ERBB4: variants seen among roughly 807,000 people sequenced by gnomAD.
The protein encoded by ERBB4 is receptor tyrosine-protein kinase erbB-4.
ERBB4 carries 42 observed loss-of-function variants against 158.0 expected under a neutral mutation model. That is an observed-to-expected ratio of 0.27 (90% CI 0.21 to 0.34). The LOEUF (loss-of-function observed/expected upper bound fraction) is 0.34, where lower values mean the gene tolerates loss of function less well. Among genes scored for constraint, ERBB4 ranks in the 10% least tolerant of loss-of-function variants. ERBB4 has a pLI of 1.00. For synonymous variants in ERBB4, 583 were observed against 558.7 expected, an observed-to-expected ratio of 1.04 and a Z score of -0.61; for missense variants, 1,333 against 1,624.1, an observed-to-expected ratio of 0.82 and a Z score of 3.08.
chr2:212,016,286 AC>A (rs1309817307), intron 2 of ERBB4, among the ~76,000 whole-genome samples: 2 of 152,180 alleles, frequency 1.3e-5, no homozygotes, highest in African/African-American at 4.8e-5. Context: ...TGGGAAGCAG[AC>A]CTGAATTCAT....
rs1472599815 is a variant in ERBB4, at chr2:211,585,354, A to AAAC, written c.2302-23267_2302-23266insGTT. Among the ~76,000 whole-genome samples, 23 of 151,198 alleles carry AAAC rather than the reference A, an allele frequency of 1.5e-4. 3 individuals are homozygous for AAAC. In the South Asian group the frequency reaches 4.8e-3, roughly 31 times the overall value. Reference sequence around the variant, plus strand: ...GCGAGAGAGCGAGACTCCGTCTCAAAAAAAAAAAAAAAGACTTCCTTAGGC... The same window carrying AAAC: ...GCGAGAGAGCGAGACTCCGTCTCAAAAACAAAAAAAAAAAAGACTTCCTTAGGC... On this transcript the variant is annotated intron_variant, in intron 19 of 27. Coordinates refer to ENST00000342788, the MANE Select transcript of ERBB4 (RefSeq NM_005235.3).
At chr2:211,888,492 T>G (rs2078864621) in intron 3 of ERBB4, among the ~76,000 whole-genome samples, 2 of 152,338 alleles carry the variant, frequency 1.3e-5, no homozygotes, top group Admixed American at 6.5e-5. Context: ...TTTGTTTTTA[T>G]TCTATTGTGT....
chr2:212,260,763 A>C (rs1280891642), intron 1 of ERBB4, among the ~76,000 whole-genome samples: 1 of 152,038 alleles, frequency 6.6e-6, no homozygotes, highest in Non-Finnish European at 1.5e-5. Context: ...CAGTGAGCCG[A>C]GATAGCGCCA....
chr2:211,979,295 C>G (rs1346263115), intron 2 of ERBB4, among the ~76,000 whole-genome samples: 1 of 152,096 alleles, frequency 6.6e-6, no homozygotes. Context: ...AAAAAATTGG[C>G]AAGAAATTGT....
chr2:212,135,625 C>G (rs1431211691), intron 1 of ERBB4, among the ~76,000 whole-genome samples: 2 of 152,128 alleles, frequency 1.3e-5, no homozygotes, highest in Non-Finnish European at 2.9e-5. Context: ...TCTATACATA[C>G]TTGGATGAAA....
At chr2:212,241,734 T>C (rs1055052288) in intron 1 of ERBB4, among the ~76,000 whole-genome samples, 3 of 152,182 alleles carry the variant, frequency 2.0e-5, no homozygotes, top group African/African-American at 7.2e-5. Context: ...CTTTGGTAAA[T>C]CTACCTATTA....
intron 1 of ERBB4, among the ~76,000 whole-genome samples, chr2:212,255,318 C>G (rs1300952254): frequency 1.3e-5 from 2 of 151,900 alleles, no homozygotes; most frequent in African/African-American, 4.8e-5. Flanking sequence ...TCATTCAACC[C>G]TTTTTAAAGT....
At chr2:212,452,031 A>G (rs530710873) in intron 1 of ERBB4, among the ~76,000 whole-genome samples, 1 of 147,690 alleles carries the variant, frequency 6.8e-6, no homozygotes, top group East Asian at 2.0e-4. Flanking sequence ...TTTTTTCCAG[A>G]TATTTATCAG....
intron 2 of ERBB4, among the ~76,000 whole-genome samples, chr2:212,012,014 T>C (rs758110342): frequency 2.6e-5 from 4 of 152,208 alleles, no homozygotes; most frequent in Admixed American, 6.5e-5. Context: ...AAGAATAAAT[T>C]TATACAGGAA....
intron 3 of ERBB4, among the ~76,000 whole-genome samples, chr2:211,872,505 C>T (rs918428463): frequency 5.3e-5 from 8 of 152,082 alleles, no homozygotes; most frequent in Admixed American, 3.3e-4. Context: ...ATAAAATCCC[C>T]TCAGTTTACA....
At chr2:211,578,821 T>G (rs1043528265) in intron 19 of ERBB4, among the ~76,000 whole-genome samples, 2 of 152,148 alleles carry the variant, frequency 1.3e-5, no homozygotes, top group South Asian at 4.1e-4. Context: ...GATTAAAGAT[T>G]GAAATGTAAA....
intron 1 of ERBB4, among the ~76,000 whole-genome samples, chr2:212,216,289 G>A (rs2083098240): frequency 6.6e-6 from 1 of 151,184 alleles, no homozygotes; most frequent in Non-Finnish European, 1.5e-5. Flanking sequence ...TTATGCATAC[G>A]AATGTGTGTG....
intron 3 of ERBB4, among the ~76,000 whole-genome samples, chr2:211,860,513 T>C (rs183793685): frequency 3.2e-4 from 49 of 152,292 alleles, no homozygotes; most frequent in Non-Finnish European, 6.0e-4. Context: ...CCCTGGGTTT[T>C]ATTGTACACT....
intron 1 of ERBB4, among the ~76,000 whole-genome samples, chr2:212,187,592 G>A (rs534027433): frequency 6.6e-6 from 1 of 152,006 alleles, no homozygotes. Context: ...AAGAATATCA[G>A]TCTTAAATAT....
chr2:211,598,581 C>G (rs7602185), intron 19 of ERBB4, among the ~76,000 whole-genome samples: 126,473 of 152,226 alleles, frequency 0.83, 53,269 homozygotes, highest in Non-Finnish European at 0.9. Context: ...GTCTAAGTTT[C>G]AGAAGAAAGG....
chr2:212,384,215 T>C (rs190934363), intron 1 of ERBB4, among the ~76,000 whole-genome samples: 5 of 151,796 alleles, frequency 3.3e-5, no homozygotes, highest in African/African-American at 1.2e-4. Flanking sequence ...TAGAAGTTTA[T>C]GAGAACAATT....
At chr2:212,203,621 T>C (rs531069857) in intron 1 of ERBB4, among the ~76,000 whole-genome samples, 1 of 152,364 alleles carries the variant, frequency 6.6e-6, no homozygotes, top group East Asian at 1.9e-4. Flanking sequence ...TATTTTGGCA[T>C]CACAGACCAC....
intron 2 of ERBB4, among the ~76,000 whole-genome samples, chr2:212,114,310 A>C (rs1348606312): frequency 6.6e-6 from 1 of 152,212 alleles, no homozygotes; most frequent in Non-Finnish European, 1.5e-5. Flanking sequence ...GCACATGAAT[A>C]ATTAGGTGTA....
chr2:211,696,771 G>A (rs1337453451), intron 12 of ERBB4, among the ~76,000 whole-genome samples: 1 of 152,084 alleles, frequency 6.6e-6, no homozygotes, highest in Non-Finnish European at 1.5e-5. Flanking sequence ...CTGGGTTCAA[G>A]TAATTCTCCT....
Sources: gnomAD v4.1 joint callset for allele counts (sites outside exome capture counted in the v4.1 genomes callset) on GRCh38, gnomAD v4.1.1 for gene constraint, MANE v1.5 for transcripts, NCBI Gene and HGNC (gene_info 2026-07-23, HGNC 2026-07-21) for gene names.